The following SLC8A1 variants were observed in gnomAD, a reference collection of about 807,000 sequenced individuals.
The protein encoded by SLC8A1 is sodium/calcium exchanger 1.
Under a neutral mutation model 68.3 loss-of-function variants are expected in SLC8A1, and 18 were observed. That is an observed-to-expected ratio of 0.26 (90% CI 0.18 to 0.39). SLC8A1 has a LOEUF of 0.39. Ranked by LOEUF, SLC8A1 falls within the 10% of genes least tolerant of loss-of-function variation. The pLI is 1.00. For missense variants in SLC8A1, 985 were observed against 1,156.7 expected, an observed-to-expected ratio of 0.85 and a Z score of 2.15; for synonymous variants, 475 against 415.5, an observed-to-expected ratio of 1.14 and a Z score of -1.74.
intron 2 of SLC8A1, among the ~76,000 whole-genome samples, chr2:40,354,824 G>A (rs913507086): frequency 3.3e-5 from 5 of 152,128 alleles, no homozygotes; most frequent in Non-Finnish European, 5.9e-5. Flanking sequence ...TTACATCAAA[G>A]TGGCAGTGTT....
intron 2 of SLC8A1, among the ~76,000 whole-genome samples, chr2:40,271,244 C>CT (rs1203656144): frequency 2.6e-5 from 4 of 151,884 alleles, no homozygotes; most frequent in African/African-American, 7.3e-5. Flanking sequence ...TCCCACTCCT[C>CT]TCCCACCTCC....
At chr2:40,108,976 C>T (rs1205840093) in exon 8 of SLC8A1, 7 of 152,112 alleles carry the variant, frequency 4.6e-5, no homozygotes, top group Admixed American at 1.3e-4. Flanking sequence ...CAGGATTCTT[C>T]TTGGCGAATA....
At position 40,153,249 on chromosome 2, in the gene SLC8A1, A is replaced by C. The variant is rs537076691; in HGVS notation, c.2161+7516T>G. The stretch of plus-strand genomic sequence containing the variant: ...TATGAGAATGAAGGGTCTTTAAGAG[A>C]CCCTTTAGTATTTCCATGTCCTAAA... On this transcript the variant is annotated intron_variant, in intron 6 of 7. Transcript: ENST00000406785. Among the ~76,000 whole-genome samples, 21 of 152,166 alleles carry C rather than the reference A, an allele frequency of 1.4e-4. 1 individual carries two copies. The highest frequency in any genetic ancestry group is 4.1e-4 in the African/African-American group (17 of 41,530).
At chr2:40,459,995 T>C (rs1703247877) in intron 1 of SLC8A1, among the ~76,000 whole-genome samples, 1 of 151,490 alleles carries the variant, frequency 6.6e-6, no homozygotes, top group Non-Finnish European at 1.5e-5. Flanking sequence ...AGCTGACCTC[T>C]TGTTTTTGTA....
intron 2 of SLC8A1, among the ~76,000 whole-genome samples, chr2:40,181,206 C>T (rs539449200): frequency 9.5e-4 from 145 of 152,258 alleles, no homozygotes; most frequent in Middle Eastern, 3.4e-3. Context: ...GCGATCCACC[C>T]GCCTTGGCCT....
Position 40,291,250 on chromosome 2 carries a change from C to T in SLC8A1, c.1809-113395G>A, listed in dbSNP as rs77508144. ...CTTTCCAGTCTAAAATGTCAAGCCACAGATGAATATTGAGAAGGCTTGTCC... is the reference window on the plus strand; with the variant it reads ...CTTTCCAGTCTAAAATGTCAAGCCATAGATGAATATTGAGAAGGCTTGTCC... On this transcript the variant is annotated intron_variant, in intron 2 of 7. Transcript: ENST00000406785. Among the ~76,000 whole-genome samples, 18 of 152,234 alleles carry T rather than the reference C, an allele frequency of 1.2e-4. No individual in the cohort carries two copies. In the East Asian group the frequency reaches 3.5e-3, roughly 29 times the overall value.
intron 2 of SLC8A1, among the ~76,000 whole-genome samples, chr2:40,381,962 A>G (rs931201328): frequency 1.3e-4 from 19 of 151,936 alleles, no homozygotes; most frequent in African/African-American, 4.6e-4. Context: ...AGTCAGGAGG[A>G]TGGATTTGAG....
chr2:40,216,295 G>A (rs974085132), intron 2 of SLC8A1, among the ~76,000 whole-genome samples: 1 of 152,020 alleles, frequency 6.6e-6, no homozygotes, highest in Non-Finnish European at 1.5e-5. Flanking sequence ...TGAAGATGAT[G>A]GCTTCCAGCT....
rs543296369 is a variant in SLC8A1, at chr2:40,272,344, A to T, written c.1809-94489T>A. On this transcript the variant is annotated intron_variant, in intron 2 of 7. Coordinates refer to ENST00000406785, the Ensembl canonical transcript of SLC8A1. ...GAGGGTTCTTTTCCTGATGGCCATT[A>T]TGTGAAGGGAGATAAGGAGGGAGAA... is the stretch of plus-strand genomic sequence containing the variant. Among the ~76,000 whole-genome samples the T allele has an allele frequency of 2.0e-4, 30 of 152,254 alleles. No homozygotes were observed. The South Asian group carries it at 6.0e-3, about 31-fold the overall frequency.
chr2:40,105,932 G>C (rs1050953981), exon 8 of SLC8A1: 7 of 152,198 alleles, frequency 4.6e-5, no homozygotes, highest in Non-Finnish European at 7.3e-5. Flanking sequence ...CCCCTGCTTA[G>C]CTGCTTATTT....
At chr2:40,098,570 C>A (rs2033710772) in exon 8 of SLC8A1, 2 of 151,940 alleles carry the variant, frequency 1.3e-5, no homozygotes, top group African/African-American at 4.8e-5. Flanking sequence ...GAAGATCTGT[C>A]ATTAATGTTG....
intron 2 of SLC8A1, among the ~76,000 whole-genome samples, chr2:40,291,523 G>A (rs1173451085): frequency 6.6e-6 from 1 of 152,060 alleles, no homozygotes; most frequent in Non-Finnish European, 1.5e-5. Context: ...TTTTAGATGA[G>A]TCACTAGGAC....
chr2:40,436,001 G>T (rs1247019722), intron 1 of SLC8A1, among the ~76,000 whole-genome samples: 1 of 142,152 alleles, frequency 7.0e-6, no homozygotes, highest in African/African-American at 2.6e-5. Context: ...TTGAACTCCT[G>T]ACCTTAGGTA....
At chr2:40,257,095 CATCTT>C (rs1393183491) in intron 2 of SLC8A1, among the ~76,000 whole-genome samples, 1 of 152,024 alleles carries the variant, frequency 6.6e-6, no homozygotes, top group African/African-American at 2.4e-5. Context: ...GTATTTATTA[CATCTT>C]ATCATAATTC....
chr2:40,110,441 T>C (rs189301476), exon 8 of SLC8A1: 1 of 152,318 alleles, frequency 6.6e-6, no homozygotes, highest in Admixed American at 6.5e-5. Context: ...TAGGTAGAGC[T>C]GAACAAAATC....
intron 2 of SLC8A1, among the ~76,000 whole-genome samples, chr2:40,235,050 C>G (rs1439866424): frequency 6.6e-6 from 1 of 152,060 alleles, no homozygotes; most frequent in Admixed American, 6.6e-5. Flanking sequence ...GGATATTGGT[C>G]TAAAATTCTC....
chr2:40,271,821 C>T (rs893467964), intron 2 of SLC8A1, among the ~76,000 whole-genome samples: 14 of 152,122 alleles, frequency 9.2e-5, no homozygotes, highest in South Asian at 2.1e-4. Flanking sequence ...ATTTTCTTTC[C>T]GGAGTCAACT....
intron 2 of SLC8A1, among the ~76,000 whole-genome samples, chr2:40,388,865 A>G (rs144349630): frequency 6.6e-6 from 1 of 152,292 alleles, no homozygotes; most frequent in Non-Finnish European, 1.5e-5. Flanking sequence ...AAACTATTAA[A>G]TAGGAATAAA....
chr2:40,408,864 A>C (rs72948178), intron 2 of SLC8A1, among the ~76,000 whole-genome samples: 1 of 152,154 alleles, frequency 6.6e-6, no homozygotes, highest in African/African-American at 2.4e-5. Context: ...TAAGTATTGA[A>C]TCCAAAGACA....
Sources: gnomAD v4.1 joint callset for allele counts (sites outside exome capture counted in the v4.1 genomes callset) on GRCh38, gnomAD v4.1.1 for gene constraint, MANE v1.5 for transcripts, NCBI Gene and HGNC (gene_info 2026-07-23, HGNC 2026-07-21) for gene names.